The following RUNX2 variants were observed in gnomAD, a reference collection of about 807,000 sequenced individuals.
The protein encoded by RUNX2 is runt-related transcription factor 2.
Under a neutral mutation model 51.7 loss-of-function variants are expected in RUNX2, and 10 were observed. The observed-to-expected ratio is 0.19, with a 90% CI of 0.12 to 0.33. The LOEUF is 0.33. Ranked by LOEUF, RUNX2 falls within the 10% of genes least tolerant of loss-of-function variation. The probability of loss-of-function intolerance (pLI) is 1.00; values close to 1 mark genes in which losing one functional copy is unlikely to be tolerated. For synonymous variants in RUNX2, 276 were observed against 273.6 expected (o/e 1.01, Z -0.09); for missense variants, 562 against 691.3 (o/e 0.81, Z 2.10).
rs57273334 is a variant in RUNX2 at position 45,390,892 on chromosome 6, A to T, written c.59-31701A>T. ...GGAAAACTCCTTCAAAATTACTCTG[A>T]AACATAGTACTTCTTTTAAATACAT... On this transcript the variant is annotated intron_variant, in intron 2 of 8. Transcript: ENST00000647337. Among the ~76,000 whole-genome samples the T allele has an allele frequency of 3.3e-3, 509 of 152,328 alleles. 5 individuals are homozygous for T. Among genetic ancestry groups the T allele is most frequent in the African/African-American group, 0.012 (489 of 41,558 alleles).
At chr6:45,399,348 C>CTTT (rs1797649323) in intron 2 of RUNX2, among the ~76,000 whole-genome samples, 4 of 97,282 alleles carry the variant, frequency 4.1e-5, no homozygotes, top group Non-Finnish European at 9.1e-5. Flanking sequence ...TCTTTTCTTT[C>CTTT]CTTTTTTTTT....
At chr6:45,397,824 C>T (rs1375113787) in intron 2 of RUNX2, among the ~76,000 whole-genome samples, 1 of 152,090 alleles carries the variant, frequency 6.6e-6, no homozygotes, top group African/African-American at 2.4e-5. Context: ...ATAGTTGGTG[C>T]AATTAATCAT....
intron 7 of RUNX2, among the ~76,000 whole-genome samples, chr6:45,524,517 G>A (rs888866046): frequency 5.9e-5 from 9 of 152,122 alleles, no homozygotes; most frequent in African/African-American, 2.2e-4. Context: ...TAGTAACAAT[G>A]CTATAGTTGA....
intron 2 of RUNX2, among the ~76,000 whole-genome samples, chr6:45,409,781 A>C (rs1797911310): frequency 6.6e-6 from 1 of 152,230 alleles, no homozygotes; most frequent in Non-Finnish European, 1.5e-5. Context: ...CATTTTAACA[A>C]GCATTGATTG....
intron 2 of RUNX2, among the ~76,000 whole-genome samples, chr6:45,364,650 A>T (rs915882740): frequency 1.3e-5 from 2 of 152,216 alleles, no homozygotes; most frequent in Admixed American, 1.3e-4. Context: ...ACAGAGCCTT[A>T]AGAAATCTTA....
At chr6:45,534,030 G>C (rs1230137467) in intron 7 of RUNX2, among the ~76,000 whole-genome samples, 1 of 151,746 alleles carries the variant, frequency 6.6e-6, no homozygotes, top group African/African-American at 2.4e-5. Flanking sequence ...GAGTAGCTGG[G>C]ACTACAGGTG....
chr6:45,335,381 T>G (rs1258801579), intron 2 of RUNX2, among the ~76,000 whole-genome samples: 1 of 151,286 alleles, frequency 6.6e-6, no homozygotes, highest in Non-Finnish European at 1.5e-5. Flanking sequence ...TTTTACAACA[T>G]GTCAACCTAC....
intron 2 of RUNX2, among the ~76,000 whole-genome samples, chr6:45,410,193 T>A (rs1283008988): frequency 6.6e-6 from 1 of 152,156 alleles, no homozygotes; most frequent in East Asian, 1.9e-4. Context: ...TGAACGAAAT[T>A]GTATTCTAAA....
intron 2 of RUNX2, among the ~76,000 whole-genome samples, chr6:45,333,352 T>C (rs934782718): frequency 6.6e-6 from 1 of 151,554 alleles, no homozygotes; most frequent in African/African-American, 2.4e-5. Flanking sequence ...AAACAGACCA[T>C]ACATTCCCAT....
At chr6:45,489,446 G>A (rs1423259795) in intron 5 of RUNX2, among the ~76,000 whole-genome samples, 1 of 152,096 alleles carries the variant, frequency 6.6e-6, no homozygotes, top group East Asian at 1.9e-4. Context: ...ACAGCCTCTA[G>A]GAAAACCTAA....
At chr6:45,335,489 T>C (rs1222830223) in intron 2 of RUNX2, among the ~76,000 whole-genome samples, 1 of 151,296 alleles carries the variant, frequency 6.6e-6, no homozygotes, top group African/African-American at 2.4e-5. Context: ...TATAAGATAC[T>C]TTAATGCAAA....
chr6:45,480,180 G>T (rs1800068599), intron 5 of RUNX2, among the ~76,000 whole-genome samples: 1 of 152,188 alleles, frequency 6.6e-6, no homozygotes, highest in Non-Finnish European at 1.5e-5. Context: ...AGAAAGAGTG[G>T]ATGGATAGGT....
chr6:45,363,676 AT>A lies in RUNX2; in HGVS notation c.58+34894del, dbSNP rs200049971. ...AAGCCACTAAACTATAATGAAAAAA[AT>A]TAAACTAATCCACAAAAATGTATAT... On this transcript the variant is annotated intron_variant, in intron 2 of 8. Transcript: ENST00000647337. Among the ~76,000 whole-genome samples, 508 of 152,236 alleles carry A rather than the reference AT, an allele frequency of 3.3e-3. 5 individuals carry two copies. The highest frequency in any genetic ancestry group is 0.012 in the African/African-American group (486 of 41,584).
At chr6:45,470,022 C>G (rs182397527) in intron 5 of RUNX2, among the ~76,000 whole-genome samples, 2 of 152,342 alleles carry the variant, frequency 1.3e-5, no homozygotes, top group Admixed American at 1.3e-4. Context: ...AGCTACTGCA[C>G]ACACTATCGC....
At chr6:45,442,381 G>A (rs992377708) in intron 5 of RUNX2, among the ~76,000 whole-genome samples, 2 of 152,186 alleles carry the variant, frequency 1.3e-5, no homozygotes, top group Admixed American at 6.5e-5. Flanking sequence ...AGCAGCAATA[G>A]TAATGCATTT....
chr6:45,477,071 G>T (rs1011753476), intron 5 of RUNX2, among the ~76,000 whole-genome samples: 2 of 152,144 alleles, frequency 1.3e-5, no homozygotes, highest in Non-Finnish European at 2.9e-5. Context: ...ACAGACAAAG[G>T]TTCTCTTGCT....
At chr6:45,429,515 C>T (rs112900301) in intron 3 of RUNX2, among the ~76,000 whole-genome samples, 1 of 152,214 alleles carries the variant, frequency 6.6e-6, no homozygotes, top group South Asian at 2.1e-4. Context: ...TATGAGATGA[C>T]GTGTACAGAG....
At chr6:45,405,066 A>G (rs536007914) in intron 2 of RUNX2, among the ~76,000 whole-genome samples, 81 of 152,320 alleles carry the variant, frequency 5.3e-4, no homozygotes, top group Admixed American at 1.3e-3. Context: ...TGTTCTTACC[A>G]GTATTTAGAA....
intron 2 of RUNX2, among the ~76,000 whole-genome samples, chr6:45,331,112 TGTGTGTGTGTGTGTGCGC>T (rs1787396049): frequency 6.7e-6 from 1 of 149,396 alleles, no homozygotes; most frequent in South Asian, 2.1e-4. Flanking sequence ...GTGGTGTGTG[TGTGTGTGTGTGTGTGCGC>T]GCGCGCGCGC....
Sources: gnomAD v4.1 joint callset for allele counts (sites outside exome capture counted in the v4.1 genomes callset) on GRCh38, gnomAD v4.1.1 for gene constraint, MANE v1.5 for transcripts, NCBI Gene and HGNC (gene_info 2026-07-23, HGNC 2026-07-21) for gene names.